DPP6: variants seen among roughly 807,000 people sequenced by gnomAD.
The protein encoded by DPP6 is dipeptidyl peptidase like 6.
A neutral mutation model predicts 122.6 loss-of-function variants in DPP6; 69 were observed. The ratio of observed to expected loss-of-function variants is 0.56; its 90% confidence interval spans 0.46 to 0.69. The LOEUF is 0.69. DPP6 is among the 30% of genes least tolerant of loss of function. The pLI, the probability that DPP6 is intolerant of heterozygous loss-of-function variation, is 0.00. For missense variants in DPP6, 928 were observed against 1,116.9 expected, an observed-to-expected ratio of 0.83 and a Z score of 2.41; for synonymous variants, 418 against 433.1, an observed-to-expected ratio of 0.97 and a Z score of 0.43.
At chr7:154,621,201 A>T (rs921762692) in intron 5 of DPP6, among the ~76,000 whole-genome samples, 1 of 152,156 alleles carries the variant, frequency 6.6e-6, no homozygotes, top group African/African-American at 2.4e-5. Flanking sequence ...TTCTACTGGC[A>T]ACTACGACAT....
intron 1 of DPP6, among the ~76,000 whole-genome samples, chr7:153,899,749 C>T (rs759189205): frequency 1.4e-4 from 22 of 152,138 alleles, no homozygotes; most frequent in Non-Finnish European, 2.2e-4. Flanking sequence ...TTGTCAGCGC[C>T]CACTGACTCC....
chr7:154,785,663 A>T (rs1054667133), intron 10 of DPP6, among the ~76,000 whole-genome samples: 1 of 152,068 alleles, frequency 6.6e-6, no homozygotes, highest in Non-Finnish European at 1.5e-5. Flanking sequence ...CTTTTACATC[A>T]TTGAGGTTGA....
intron 1 of DPP6, among the ~76,000 whole-genome samples, chr7:154,384,736 TCTTTTA>T (rs778431423): frequency 3.1e-5 from 3 of 96,856 alleles, no homozygotes; most frequent in Admixed American, 1.2e-4. Context: ...TTTCTTTCTT[TCTTTTA>T]TTTTTTTTTG....
the DPP6 span, among the ~76,000 whole-genome samples, chr7:153,799,496 C>T: frequency 1.3e-5 from 2 of 152,084 alleles, no homozygotes; most frequent in African/African-American, 2.4e-5. Context: ...CCCCTGCTCC[C>T]GGAGAGCTTG....
Position 154,821,216 on chromosome 7 carries a change from G to A in DPP6, c.1666+14104G>A, listed in dbSNP as rs1285996043. Among the ~76,000 whole-genome samples the A allele has an allele frequency of 1.3e-5, 2 of 152,192 alleles. No individual in the cohort carries two copies. The highest frequency in any genetic ancestry group is 2.9e-5 in the Non-Finnish European group (2 of 68,036). On this transcript the variant is annotated intron_variant, in intron 16 of 25. Coordinates refer to ENST00000377770, the MANE Select transcript of DPP6 (RefSeq NM_130797.4). The surrounding 1 kb of genome is among the most constrained non-coding windows in gnomAD (Gnocchi z 4.2). The stretch of plus-strand genomic sequence containing the variant: ...TGCTAGAGAGCTTAGCATGAAATGT[G>A]TGGCATATGTGGGTAGGTCTTTATA...
At position 154,833,244 on chromosome 7, in the gene DPP6, G is replaced by A. The variant is rs889912546; in HGVS notation, c.1667-20536G>A. Among the ~76,000 whole-genome samples, 9 of 152,164 alleles carry A rather than the reference G, an allele frequency of 5.9e-5. No individual in the cohort carries two copies. Among genetic ancestry groups the A allele is most frequent in the Non-Finnish European group, 8.8e-5 (6 of 68,030 alleles). The stretch of plus-strand genomic sequence containing the variant: ...CCCAGTGCCCTGCCAGCATATTGTC[G>A]TAGAGACAGGCACACACAGCCAGCA... On this transcript the variant is annotated intron_variant, in intron 16 of 25. Transcript: ENST00000377770. This position sits in a 1 kb window ranked among gnomAD's most constrained non-coding sequence, Gnocchi z 4.3.
chr7:154,143,230 G>C (rs1349392871), intron 1 of DPP6, among the ~76,000 whole-genome samples: 2 of 152,186 alleles, frequency 1.3e-5, no homozygotes, highest in African/African-American at 2.4e-5. Flanking sequence ...CAAAGACAGA[G>C]TGTTTTGCGG....
In DPP6 at chr7:154,624,259, A is replaced by G. The variant is rs925592718; in HGVS notation, c.628-13562A>G. On this transcript the variant is annotated intron_variant, in intron 5 of 25. Transcript: ENST00000377770. The surrounding 1 kb of genome is among the most constrained non-coding windows in gnomAD (Gnocchi z 4.7). ...AGAGAATTGCTTGAACCCGGGAGGC[A>G]GAGGTTGCAGTGAGCCAAGATCACG... Among the ~76,000 whole-genome samples, 2 of 151,688 alleles carry G rather than the reference A, an allele frequency of 1.3e-5. No individual in the cohort carries two copies. The highest frequency in any genetic ancestry group is 4.2e-4 in the South Asian group (2 of 4,804).
At position 154,807,121 on chromosome 7, in the gene DPP6, C is replaced by T. The variant is rs1182709858; in HGVS notation, c.1666+9C>T. 1 of 1,611,622 alleles carries T rather than the reference C, an allele frequency of 6.2e-7. No individual in the cohort carries two copies. The highest frequency in any genetic ancestry group is 1.1e-5 in the South Asian group (1 of 90,998). ...CCTGCTCAAGTGCGAAGGTCAGCTC[C>T]TGCCACCCCGTCAGGGCAAAGAGCC... On this transcript the variant is annotated intron_variant, in intron 16 of 25. Coordinates refer to ENST00000377770, the MANE Select transcript of DPP6 (RefSeq NM_130797.4).
At chr7:153,844,709 AC>A in the DPP6 span, among the ~76,000 whole-genome samples, 2 of 152,130 alleles carry the variant, frequency 1.3e-5, no homozygotes, top group Non-Finnish European at 2.9e-5. Flanking sequence ...ATATTGGAAG[AC>A]TCTTATGATA....
At chr7:154,745,739 G>A (rs1843007505) in intron 8 of DPP6, among the ~76,000 whole-genome samples, 1 of 152,230 alleles carries the variant, frequency 6.6e-6, no homozygotes, top group Non-Finnish European at 1.5e-5. Flanking sequence ...GCAACAGGGT[G>A]TTTAGGAGGT....
the DPP6 span, among the ~76,000 whole-genome samples, chr7:153,749,969 T>C: frequency 1.1e-4 from 16 of 152,276 alleles, no homozygotes; most frequent in Non-Finnish European, 2.1e-4. The surrounding 1 kb of genome is among the most constrained non-coding windows in gnomAD (Gnocchi z 4.1). Flanking sequence ...GTGTGTACAC[T>C]TTATGTAAGG....
intron 1 of DPP6, among the ~76,000 whole-genome samples, chr7:154,432,033 T>A (rs1323938809): frequency 6.6e-6 from 1 of 152,016 alleles, no homozygotes; most frequent in Non-Finnish European, 1.5e-5. Flanking sequence ...TCCACTTCCC[T>A]TGGAAGAAAA....
intron 1 of DPP6, among the ~76,000 whole-genome samples, chr7:154,032,027 ATTTTTTT>A (rs59221022): frequency 1.6e-5 from 2 of 127,200 alleles, no homozygotes; most frequent in African/African-American, 5.6e-5. Flanking sequence ...ACACCCGCCT[ATTTTTTT>A]TTTTTTTTTG....
Position 154,162,961 on chromosome 7 carries a change from A to G in DPP6, c.243+109898A>G, listed in dbSNP as rs73729289. 9.9e-3 allele frequency among the ~76,000 whole-genome samples: 1,506 copies of G among 151,518 alleles called. 32 individuals carry two copies. The highest frequency in any genetic ancestry group is 0.035 in the African/African-American group (1,435 of 41,194). Reference sequence around the variant, plus strand: ...GCCTTGCTAGCATTGAGTGGAACTTAACACCAGAATCTGTGCATCGCTAGG... The same window carrying G: ...GCCTTGCTAGCATTGAGTGGAACTTGACACCAGAATCTGTGCATCGCTAGG... On this transcript the variant is annotated intron_variant, in intron 1 of 25. Coordinates refer to ENST00000377770, the MANE Select transcript of DPP6 (RefSeq NM_130797.4).
rs201710106 is a variant in DPP6 at position 154,889,300 on chromosome 7, C to A, written c.2333C>A (p.Ala778Glu). ...ACCAAGGTAGCCCATCGAGTCTCCG[C>A]GCTGGAAGAACAGCAGTTCCTGATC... is the stretch of plus-strand genomic sequence containing the variant. ...EMTKVAHRVS[A>E]LEEQQFLIIH... is the part of the protein sequence containing the mutation. Residue 778 changes from alanine (A) to glutamate (E), a missense_variant, in exon 24 of 26, where the codon GCG (alanine) becomes GAG (glutamate). Physicochemically the swap from Ala to Glu is moderately radical, Grantham distance 107. Coordinates refer to ENST00000377770, the MANE Select transcript of DPP6 (RefSeq NM_130797.4). 1 of 1,613,070 alleles carries A rather than the reference C, an allele frequency of 6.2e-7. No individual in the cohort carries two copies. Among genetic ancestry groups the A allele is most frequent in the South Asian group, 1.1e-5 (1 of 90,666 alleles).
rs762752062 is a variant in DPP6 at position 154,481,090 on chromosome 7, C to T, written c.457+6053C>T. 3.3e-5 allele frequency among the ~76,000 whole-genome samples: 5 copies of T among 151,966 alleles called. No individual in the cohort carries two copies. The highest frequency in any genetic ancestry group is 1.2e-4 in the African/African-American group (5 of 41,382). On this transcript the variant is annotated intron_variant, in intron 3 of 25. Transcript: ENST00000377770. This position sits in a 1 kb window ranked among gnomAD's most constrained non-coding sequence, Gnocchi z 4.2. ...CAAGCCCAGCAGCAGCAGGAAGGAC[C>T]GAGGCTCTACTCCGGCACCTCAGGT...
At chr7:153,759,827 A>G in the DPP6 span, among the ~76,000 whole-genome samples, 1 of 152,162 alleles carries the variant, frequency 6.6e-6, no homozygotes, top group African/African-American at 2.4e-5. Flanking sequence ...AGTATCTATG[A>G]GTTTATCCTT....
intron 1 of DPP6, among the ~76,000 whole-genome samples, chr7:154,417,057 GGAGTCTGATTTCAAT>G (rs1334228372): frequency 6.6e-6 from 1 of 152,154 alleles, no homozygotes; most frequent in African/African-American, 2.4e-5. Flanking sequence ...TCAAATCACT[GGAGTCTGATTTCAAT>G]GATCGTTTTC....
Sources: gnomAD v4.1 joint callset for allele counts (sites outside exome capture counted in the v4.1 genomes callset) on GRCh38, gnomAD v4.1.1 for gene constraint, Gnocchi (gnomAD v3.1) non-coding constraint, MANE v1.5 for transcripts, NCBI Gene and HGNC (gene_info 2026-07-23, HGNC 2026-07-21) for gene names.